MAPK9: variants seen among roughly 807,000 people sequenced by gnomAD.
MAPK9 encodes mitogen-activated protein kinase 9.
A neutral mutation model predicts 57.1 loss-of-function variants in MAPK9; 30 were observed. The ratio of observed to expected loss-of-function variants is 0.53; its 90% CI spans 0.39 to 0.71. MAPK9 has a LOEUF of 0.71. Among genes scored for constraint, MAPK9 ranks in the 30% least tolerant of loss-of-function variants. The pLI is 0.00. For synonymous variants in MAPK9, 155 were observed against 177.0 expected, an observed-to-expected ratio of 0.88 and a Z score of 0.99; for missense variants, 362 against 521.0, an observed-to-expected ratio of 0.69 and a Z score of 2.97.
Position 180,239,931 on chromosome 5 carries a change from T to C in MAPK9, c.1053A>G (p.Glu351=). The C allele has an allele frequency of 2.5e-6, 4 of 1,613,578 alleles. No homozygotes were observed. Among genetic ancestry groups the C allele is most frequent in the African/African-American group, 1.3e-5 (1 of 75,052 alleles). ...AATAAGCTCCATCTTTACCTTTCCA[T>C]TCTTCAATTGCATGTTCTCTTTCTT... ...QLEEREHAIE[E]WKELIYKEVM... Residue 351 remains glutamate (E), a synonymous_variant, in exon 10 of 12, where the codon GAA becomes GAG. Transcript: ENST00000452135.
Position 180,252,934 on chromosome 5 carries a change from G to A in MAPK9, c.451-3796C>T, listed in dbSNP as rs1010222781. Among the ~76,000 whole-genome samples the A allele has an allele frequency of 9.2e-5, 14 of 152,208 alleles. No homozygotes were observed. The South Asian group carries it at 1.2e-3, about 14-fold the overall frequency. ...CCCTGAGGAAGAGAGAACCATGGGC[G>A]CCACAGGAAAGCCATTCCCAACTTA... is the stretch of plus-strand genomic sequence containing the variant. On this transcript the variant is annotated intron_variant, in intron 5 of 11. Coordinates refer to ENST00000452135, the MANE Select transcript of MAPK9 (RefSeq NM_002752.5).
rs563816137 is a variant in MAPK9, at chr5:180,256,030, G to A, written c.450+5654C>T. On this transcript the variant is annotated intron_variant, in intron 5 of 11. Transcript: ENST00000452135. ...CAAGGTGATCCTGTCTTTGAAGGAT[G>A]TAAGTTCAAAAGGACATAAGTACAG... Among the ~76,000 whole-genome samples the A allele has an allele frequency of 2.0e-5, 3 of 152,334 alleles. No homozygotes were observed. The South Asian group carries it at 6.2e-4, about 32-fold the overall frequency.
intron 3 of MAPK9, among the ~76,000 whole-genome samples, chr5:180,265,189 A>C (rs1760399565): frequency 6.6e-6 from 1 of 152,246 alleles, no homozygotes; most frequent in Non-Finnish European, 1.5e-5. Context: ...ATTTCTAAAA[A>C]GGTTTGAAAT....
At chr5:180,265,774 G>C (rs1760474662) in intron 3 of MAPK9, among the ~76,000 whole-genome samples, 1 of 152,172 alleles carries the variant, frequency 6.6e-6, no homozygotes, top group East Asian at 1.9e-4. Context: ...CTGAGGGAAA[G>C]ATGAATTATC....
At chr5:180,238,283 T>C (rs755775686) in intron 11 of MAPK9, 49 bp downstream of exon 11, 1 of 1,491,778 alleles carries the variant, frequency 6.7e-7, no homozygotes. Context: ...AAAAAAAAGT[T>C]GAATAGGGAA....
chr5:180,282,707 AG>A (rs1762413345), intron 1 of MAPK9, among the ~76,000 whole-genome samples: 1 of 152,158 alleles, frequency 6.6e-6, no homozygotes, highest in African/African-American at 2.4e-5. Flanking sequence ...TGCTTTACGG[AG>A]GGTGGCTGTT....
chr5:180,238,520 T>C, intron 10 of MAPK9, 117 bp from the exon 11 acceptor site: 1 of 734,978 alleles, frequency 1.4e-6, no homozygotes, highest in South Asian at 1.7e-5. Flanking sequence ...TATTTTTAAT[T>C]GTAAGACAGA....
rs915456325 is a variant in MAPK9, at chr5:180,270,811, T to C, written c.123-1402A>G. Among the ~76,000 whole-genome samples, 6 of 134,986 alleles carry C rather than the reference T, an allele frequency of 4.4e-5. No individual in the cohort carries two copies. The East Asian group carries it at 1.3e-3, about 29-fold the overall frequency. The allele number at this position is 134,986 out of a possible 152,430, so 88.6% of individuals were successfully genotyped here. A position where few individuals can be genotyped will look rare whatever the true frequency, so the allele number is the denominator to read the frequency against. ...CTGCAGTGAGCACTGATCCCTCCAC[T>C]GCACCCCAGCCTGGGTGACAGACTG... On this transcript the variant is annotated intron_variant, in intron 2 of 11. Coordinates refer to ENST00000452135, the MANE Select transcript of MAPK9 (RefSeq NM_002752.5).
rs772545062 is a variant in MAPK9 at position 180,241,166 on chromosome 5, A to G, written c.872-11T>C. On this transcript the variant is annotated splice_polypyrimidine_tract_variant and intron_variant, in intron 8 of 11. Transcript: ENST00000452135. ...CTCTGGCTTGACTTGCTAGGGTGAC[A>G]ACAAATATTAAATTAATGCTGTTAA... is the stretch of plus-strand genomic sequence containing the variant. 3 of 1,607,548 alleles carry G rather than the reference A, an allele frequency of 1.9e-6. No individual in the cohort carries two copies. The highest frequency in any genetic ancestry group is 1.7e-6 in the Non-Finnish European group (2 of 1,176,984).
chr5:180,291,907 G>C lies in MAPK9; in HGVS notation c.-107C>G, dbSNP rs1287498704. The C allele has an allele frequency of 6.8e-6, 1 of 147,234 alleles. No homozygotes were observed. Among genetic ancestry groups the C allele is most frequent in the Admixed American group, 6.8e-5 (1 of 14,718 alleles). The allele number at this position is 147,234 out of a possible 1,614,324, so 9.1% of individuals were successfully genotyped here. A position where few individuals can be genotyped will look rare whatever the true frequency, so the allele number is the denominator to read the frequency against. ...CGGGCGGGCGGACTGGCGGCGCTGC[G>C]TGCTAGTCACTCCTGGCTCCGCGGC... On this transcript the variant is annotated 5_prime_UTR_variant, in exon 1 of 12. Transcript: ENST00000452135.
intron 3 of MAPK9, among the ~76,000 whole-genome samples, chr5:180,268,146 T>C (rs1201869779): frequency 6.6e-6 from 1 of 152,170 alleles, no homozygotes; most frequent in Non-Finnish European, 1.5e-5. Context: ...TTTTATAACA[T>C]GGCAACGTTA....
At chr5:180,291,688 C>T (rs1289271223) in intron 1 of MAPK9, among the ~76,000 whole-genome samples, 160 bp downstream of exon 1, 1 of 151,342 alleles carries the variant, frequency 6.6e-6, no homozygotes. Context: ...AAGGGGGCGC[C>T]TGCGGCATCC....
At chr5:180,252,633 C>T (rs1249538849) in intron 5 of MAPK9, among the ~76,000 whole-genome samples, 2 of 152,132 alleles carry the variant, frequency 1.3e-5, no homozygotes, top group Admixed American at 1.3e-4. Flanking sequence ...CTCGTGTGGG[C>T]GTTACTCCAC....
intron 8 of MAPK9, 104 bp from the exon 9 acceptor site, chr5:180,241,259 A>C (rs944077997): frequency 1.7e-6 from 2 of 1,203,894 alleles, no homozygotes; most frequent in African/African-American, 3.1e-5. Context: ...AAGATATATT[A>C]ATTTTGAGAA....
In MAPK9 at chr5:180,233,372, A is replaced by T. The variant is rs1262832176; in HGVS notation, c.*3012T>A. ...ATTGGTGAAGTCAAAACTTACTGCCATTAGTTTTGAAAACACAGATTTAGG... is the reference window on the plus strand; with the variant it reads ...ATTGGTGAAGTCAAAACTTACTGCCTTTAGTTTTGAAAACACAGATTTAGG... On this transcript the variant is annotated 3_prime_UTR_variant, in exon 12 of 12. Transcript: ENST00000452135. 1 of 152,250 alleles carries T rather than the reference A, an allele frequency of 6.6e-6. No individual in the cohort carries two copies. The highest frequency in any genetic ancestry group is 2.4e-5 in the African/African-American group (1 of 41,462). The allele number at this position is 152,250 out of a possible 1,614,324, so 9.4% of individuals were successfully genotyped here.
rs571755851 is a variant in MAPK9, at chr5:180,267,518, C to T, written c.252+1762G>A. ...CGGAGCTTGCAGTGAGCTGAGATCGCGCCACTGCCCTCCAGGTTGGGCGAC... is the reference window on the plus strand; with the variant it reads ...CGGAGCTTGCAGTGAGCTGAGATCGTGCCACTGCCCTCCAGGTTGGGCGAC... On this transcript the variant is annotated intron_variant, in intron 3 of 11. Coordinates refer to ENST00000452135, the MANE Select transcript of MAPK9 (RefSeq NM_002752.5). Among the ~76,000 whole-genome samples, 95 of 145,602 alleles carry T rather than the reference C, an allele frequency of 6.5e-4. 1 individual carries two copies. Among genetic ancestry groups the T allele is most frequent in the South Asian group, 2.4e-3 (11 of 4,594 alleles).
intron 2 of MAPK9, among the ~76,000 whole-genome samples, chr5:180,270,472 G>A (rs1761152085): frequency 1.3e-5 from 2 of 152,162 alleles, no homozygotes; most frequent in South Asian, 4.1e-4. Context: ...TATAAAATGA[G>A]AAGGATATAT....
At chr5:180,283,986 T>A (rs1271937034) in intron 1 of MAPK9, among the ~76,000 whole-genome samples, 1 of 152,178 alleles carries the variant, frequency 6.6e-6, no homozygotes, top group Non-Finnish European at 1.5e-5. Flanking sequence ...GGTACCCTTA[T>A]TATGCAGGAG....
intron 5 of MAPK9, 34 bp downstream of exon 5, chr5:180,261,650 T>C (rs1255709972): frequency 1.9e-6 from 3 of 1,548,134 alleles, no homozygotes; most frequent in African/African-American, 1.4e-5. Flanking sequence ...CAAATGATTG[T>C]TTTTAAAAAT....
Sources: gnomAD v4.1 joint callset for allele counts (sites outside exome capture counted in the v4.1 genomes callset) on GRCh38, gnomAD v4.1.1 for gene constraint, MANE v1.5 for transcripts, NCBI Gene and HGNC (gene_info 2026-07-23, HGNC 2026-07-21) for gene names.